RCAN2: variants seen among roughly 807,000 people sequenced by gnomAD.
RCAN2 encodes the protein calcipressin-2.
A neutral mutation model predicts 23.6 loss-of-function variants in RCAN2; 9 were observed. The observed-to-expected ratio is 0.38, with a 90% CI of 0.23 to 0.67. The LOEUF (loss-of-function observed/expected upper bound fraction) is 0.67. Ranked by LOEUF, RCAN2 falls within the 30% of genes least tolerant of loss-of-function variation. RCAN2 has a pLI of 0.51. For synonymous variants in RCAN2, 109 were observed against 115.7 expected, an observed-to-expected ratio of 0.94 and a Z score of 0.37; for missense variants, 273 against 302.3, an observed-to-expected ratio of 0.90 and a Z score of 0.72.
intron 2 of RCAN2, among the ~76,000 whole-genome samples, chr6:46,396,413 C>T (rs1766088510): frequency 6.6e-6 from 1 of 152,150 alleles, no homozygotes; most frequent in African/African-American, 2.4e-5. Flanking sequence ...GAGGTGAGGG[C>T]TAGAGGAACC....
chr6:46,419,069 T>C (rs529073190), intron 2 of RCAN2, among the ~76,000 whole-genome samples: 2 of 152,268 alleles, frequency 1.3e-5, no homozygotes, highest in Admixed American at 6.5e-5. Context: ...ATCTGTGCTC[T>C]TCAGGCCGTG....
chr6:46,270,940 C>G (rs993674943), intron 2 of RCAN2, among the ~76,000 whole-genome samples: 7 of 152,180 alleles, frequency 4.6e-5, no homozygotes, highest in Non-Finnish European at 1.5e-5. Flanking sequence ...AAGACTGTAG[C>G]CACAGCCAGT....
intron 2 of RCAN2, among the ~76,000 whole-genome samples, chr6:46,450,285 A>G (rs548766607): frequency 3.3e-5 from 5 of 152,128 alleles, no homozygotes; most frequent in African/African-American, 1.2e-4. Flanking sequence ...GGCTACTGGA[A>G]AAAAGGTGAA....
At chr6:46,453,317 C>G (rs1017191240) in intron 2 of RCAN2, among the ~76,000 whole-genome samples, 7 of 152,208 alleles carry the variant, frequency 4.6e-5, no homozygotes, top group African/African-American at 1.7e-4. Context: ...GTTTCAGATG[C>G]CAATTTCCTC....
chr6:46,227,541 C>T (rs989226485), intron 4 of RCAN2, among the ~76,000 whole-genome samples: 2 of 151,852 alleles, frequency 1.3e-5, no homozygotes, highest in Non-Finnish European at 2.9e-5. Context: ...GGAATTTATC[C>T]ATATCTTCTA....
At chr6:46,381,734 C>T (rs1006744765) in intron 2 of RCAN2, among the ~76,000 whole-genome samples, 10 of 152,316 alleles carry the variant, frequency 6.6e-5, no homozygotes, top group African/African-American at 1.7e-4. Flanking sequence ...GCTGAGGTCA[C>T]GGCATCCTGT....
chr6:46,291,354 CAGGT>C (rs1470011555), intron 2 of RCAN2, among the ~76,000 whole-genome samples: 1 of 148,712 alleles, frequency 6.7e-6, no homozygotes, highest in Non-Finnish European at 1.5e-5. Flanking sequence ...AAGGGAAAGA[CAGGT>C]AGGGGGAAGT....
chr6:46,372,066 T>C (rs1474677335), intron 2 of RCAN2, among the ~76,000 whole-genome samples: 4 of 152,174 alleles, frequency 2.6e-5, no homozygotes, highest in Admixed American at 1.3e-4. Flanking sequence ...CAGAGACCCC[T>C]TTGGACTCTA....
chr6:46,455,856 A>G (rs971269913), intron 2 of RCAN2, among the ~76,000 whole-genome samples: 1 of 145,702 alleles, frequency 6.9e-6, no homozygotes, highest in African/African-American at 2.5e-5. Flanking sequence ...GATTCCGTTA[A>G]AAAAAAAAAA....
intron 2 of RCAN2, among the ~76,000 whole-genome samples, chr6:46,440,563 T>C (rs1167051896): frequency 6.6e-6 from 1 of 152,102 alleles, no homozygotes; most frequent in African/African-American, 2.4e-5. Flanking sequence ...CATTAAAATG[T>C]GAAGAAAGTT....
At chr6:46,295,782 G>A (rs574894694) in intron 2 of RCAN2, among the ~76,000 whole-genome samples, 1 of 152,208 alleles carries the variant, frequency 6.6e-6, no homozygotes, top group South Asian at 2.1e-4. Flanking sequence ...TGGAGCCAGA[G>A]GAGAAGAGGG....
chr6:46,393,670 G>T (rs1353346058), intron 2 of RCAN2, among the ~76,000 whole-genome samples: 1 of 152,112 alleles, frequency 6.6e-6, no homozygotes, highest in East Asian at 1.9e-4. Flanking sequence ...CTCTGCTCCT[G>T]TTTCATTTGT....
rs148693648 is a variant in RCAN2 at position 46,452,542 on chromosome 6, C to G, written c.225+4210G>C. On this transcript the variant is annotated intron_variant, in intron 2 of 4. Coordinates refer to ENST00000371374, the MANE Select transcript of RCAN2 (RefSeq NM_001251974.2). Reference sequence around the variant, plus strand: ...AACAAAAGGAACATTCTTCAGGGTCCAATATAGGTAAATTAAATTCTTGGC... The same window carrying G: ...AACAAAAGGAACATTCTTCAGGGTCGAATATAGGTAAATTAAATTCTTGGC... Among the ~76,000 whole-genome samples, 462 of 152,218 alleles carry G rather than the reference C, an allele frequency of 3.0e-3. 3 individuals are homozygous for G. The highest frequency in any genetic ancestry group is 7.8e-3 in the Admixed American group (119 of 15,286).
chr6:46,410,811 C>G (rs572071364), intron 2 of RCAN2, among the ~76,000 whole-genome samples: 1 of 152,228 alleles, frequency 6.6e-6, no homozygotes, highest in East Asian at 1.9e-4. Flanking sequence ...TCAGTTTTAA[C>G]AAGGATGATA....
At chr6:46,305,114 A>G (rs768043948) in intron 2 of RCAN2, among the ~76,000 whole-genome samples, 13 of 152,074 alleles carry the variant, frequency 8.5e-5, no homozygotes, top group Non-Finnish European at 1.3e-4. Flanking sequence ...TTGCAACCTG[A>G]GGACCTCACT....
chr6:46,486,022 A>G (rs766746310), intron 1 of RCAN2, among the ~76,000 whole-genome samples: 21 of 152,112 alleles, frequency 1.4e-4, no homozygotes, highest in African/African-American at 2.2e-4. Context: ...CCTATAATTG[A>G]TTTCTTGTTA....
intron 2 of RCAN2, among the ~76,000 whole-genome samples, chr6:46,332,815 T>C (rs1475932462): frequency 6.6e-6 from 1 of 152,178 alleles, no homozygotes; most frequent in African/African-American, 2.4e-5. Flanking sequence ...GTCCTTTGGG[T>C]ATATACCCAG....
At chr6:46,283,951 C>A (rs1274946523) in intron 2 of RCAN2, among the ~76,000 whole-genome samples, 1 of 152,130 alleles carries the variant, frequency 6.6e-6, no homozygotes, top group Non-Finnish European at 1.5e-5. Flanking sequence ...TTTCCAAAGA[C>A]CTAGTTGCTG....
At chr6:46,263,770 G>T (rs1160276029) in intron 2 of RCAN2, among the ~76,000 whole-genome samples, 3 of 150,316 alleles carry the variant, frequency 2.0e-5, no homozygotes, top group Non-Finnish European at 4.4e-5. Context: ...TTAAGAAGAG[G>T]ATAAAAATAA....
Sources: allele counts gnomAD v4.1 joint callset (sites outside exome capture counted in the v4.1 genomes callset), GRCh38; gene constraint gnomAD v4.1.1; transcripts MANE v1.5; gene names NCBI Gene and HGNC (gene_info 2026-07-23, HGNC 2026-07-21).